PLS3: variants seen among roughly 807,000 people sequenced by gnomAD.
PLS3 encodes plastin 3, also known as plastin-3.
Under a neutral mutation model 46.5 loss-of-function variants are expected in PLS3, and 11 were observed. The ratio of observed to expected loss-of-function variants is 0.24; its 90% CI spans 0.15 to 0.39. The LOEUF (loss-of-function observed/expected upper bound fraction) is 0.39, where lower values mean the gene tolerates loss of function less well. Among genes scored for constraint, PLS3 ranks in the 10% least tolerant of loss-of-function variants. The probability of loss-of-function intolerance (pLI) is 1.00; values close to 1 mark genes in which losing one functional copy is unlikely to be tolerated. For missense variants in PLS3, 308 were observed against 461.8 expected (o/e 0.67, Z 3.05); for synonymous variants, 167 against 162.2 (o/e 1.03, Z -0.22).
At position 115,588,941 on chromosome X, in the gene PLS3, C is replaced by T. The variant is rs1006460842; in HGVS notation, c.-8-21302C>T. On this transcript the variant is annotated intron_variant, in intron 1 of 15. Transcript: ENST00000355899. ...TTTTAAAATTTTGATTACTTAGTTA[C>T]ACAAATAAAGAGCTAATAAATACTA... Among the ~76,000 whole-genome samples the T allele has an allele frequency of 4.5e-5, 5 of 111,525 alleles. No homozygotes were observed. In the Admixed American group the frequency reaches 4.8e-4, roughly 11 times the overall value.
At chrX:115,602,346 G>A (rs1389711225) in intron 1 of PLS3, among the ~76,000 whole-genome samples, 1 of 111,810 alleles carries the variant, frequency 8.9e-6, no homozygotes, top group Non-Finnish European at 1.9e-5. Context: ...AAGTGGGTGA[G>A]TGTGGTAGAC....
chrX:115,575,738 T>C (rs782361852), intron 1 of PLS3, among the ~76,000 whole-genome samples: 1 of 110,840 alleles, frequency 9.0e-6, no homozygotes, highest in Non-Finnish European at 1.9e-5. Context: ...CCACCGCGCC[T>C]GGCCTCTATC....
intron 7 of PLS3, among the ~76,000 whole-genome samples, chrX:115,635,867 G>C (rs1345249937): frequency 9.3e-6 from 1 of 107,200 alleles, no homozygotes; most frequent in Non-Finnish European, 1.9e-5. Flanking sequence ...GCATGTGCCT[G>C]TAGTCCCAGC....
Position 115,635,159 on chromosome X carries a change from C to T in PLS3, c.748+113C>T, listed in dbSNP as rs886133499. ...ATTAAATGGTGGTAACTAGAATGAA[C>T]ATAAGGTAATGCTATAGAGTTATTC... is the stretch of plus-strand genomic sequence containing the variant. On this transcript the variant is annotated intron_variant, in intron 7 of 15. Coordinates refer to ENST00000355899, the MANE Select transcript of PLS3 (RefSeq NM_005032.7). The T allele has an allele frequency of 1.5e-4, 93 of 609,019 alleles. No individual in the cohort carries two copies. In the South Asian group the frequency reaches 2.7e-3, roughly 17 times the overall value. The allele number at this position is 609,019 out of a possible 1,213,427, so 50.2% of individuals were successfully genotyped here. A position where few individuals can be genotyped will look rare whatever the true frequency, so the allele number is the denominator to read the frequency against.
At chrX:115,640,374 C>A in intron 8 of PLS3, 34 bp from the exon 9 acceptor site, 1 of 928,759 alleles carries the variant, frequency 1.1e-6, no homozygotes, top group Non-Finnish European at 1.6e-6. Flanking sequence ...TTCCTTGTAA[C>A]TGTGATCTCA....
rs1226484766 is a variant in PLS3, at chrX:115,634,096, C to T, written c.582+15C>T. 35 of 1,002,339 alleles carry T rather than the reference C, an allele frequency of 3.5e-5. No homozygotes were observed. Among genetic ancestry groups the T allele is most frequent in the Non-Finnish European group, 4.9e-5 (35 of 713,473 alleles). 82.6% of individuals were successfully genotyped at this position (1,002,339 alleles called of 1,213,427 possible). On this transcript the variant is annotated intron_variant, in intron 6 of 15. Transcript: ENST00000355899. ...TCATCATTCAGGTATGCATTGTTCT[C>T]CCCTCCCTTTAACATGAAATTACTG...
At chrX:115,573,732 A>T (rs2074231148) in intron 1 of PLS3, among the ~76,000 whole-genome samples, 1 of 111,243 alleles carries the variant, frequency 9.0e-6, no homozygotes, top group Non-Finnish European at 1.9e-5. Context: ...GAGATGGAGT[A>T]TCGCTCTGTT....
chrX:115,583,994 ATTCGT>A (rs782308189), intron 1 of PLS3, among the ~76,000 whole-genome samples: 52 of 111,480 alleles, frequency 4.7e-4, no homozygotes, highest in East Asian at 1.7e-3. Context: ...GAATTTAGAA[ATTCGT>A]TTCAATTACC....
At chrX:115,569,646 A>T (rs2074200456) in intron 1 of PLS3, among the ~76,000 whole-genome samples, 1 of 112,015 alleles carries the variant, frequency 8.9e-6, no homozygotes, top group Admixed American at 9.5e-5. Flanking sequence ...TTGTGTATTT[A>T]AATGGCTCAT....
At chrX:115,637,069 A>G in intron 8 of PLS3, 91 bp downstream of exon 8, 1 of 899,430 alleles carries the variant, frequency 1.1e-6, no homozygotes, top group Non-Finnish European at 1.6e-6. Flanking sequence ...CTAACACTGT[A>G]TCACCAAGCC....
At chrX:115,632,454 A>T (rs1159686935) in intron 5 of PLS3, among the ~76,000 whole-genome samples, 1 of 110,359 alleles carries the variant, frequency 9.1e-6, no homozygotes, top group East Asian at 2.9e-4. Flanking sequence ...CGAGAGTTAG[A>T]CCCTGTCTCT....
At chrX:115,597,792 C>T (rs2074403670) in intron 1 of PLS3, among the ~76,000 whole-genome samples, 1 of 111,504 alleles carries the variant, frequency 9.0e-6, no homozygotes, top group Non-Finnish European at 1.9e-5. Context: ...ACTATACAAT[C>T]TAATCAGTGT....
rs150018375 is a variant in PLS3 at position 115,622,247 on chromosome X, T to C, written c.75T>C (p.Asp25=). Residue 25 remains aspartate (D), a splice_region_variant and synonymous_variant, in exon 3 of 16, where the codon GAT becomes GAC. Coordinates refer to ENST00000355899, the MANE Select transcript of PLS3 (RefSeq NM_005032.7). ...TGCTTGCTCTCCTTTTTTACAAAGA[T>C]CTCAACAGCAACGGATTCATTTGTG... ...DELKEAFAKV[D]LNSNGFICDY... The C allele has an allele frequency of 1.0e-5, 12 of 1,193,446 alleles. No homozygotes were observed. The African/African-American group carries it at 1.2e-4, about 12-fold the overall frequency.
At chrX:115,586,397 G>A (rs1427463980) in intron 1 of PLS3, among the ~76,000 whole-genome samples, 1 of 105,700 alleles carries the variant, frequency 9.5e-6, no homozygotes, top group Non-Finnish European at 1.9e-5. Context: ...CAGGCCGGGC[G>A]CTGTGGCTCA....
chrX:115,592,165 A>C (rs1430589871), intron 1 of PLS3, among the ~76,000 whole-genome samples: 6 of 111,811 alleles, frequency 5.4e-5, no homozygotes, highest in African/African-American at 2.0e-4. Context: ...GTTGTGTATT[A>C]TTTATGAAGG....
intron 3 of PLS3, 45 bp downstream of exon 3, chrX:115,622,454 C>G (rs2074665884): frequency 1.2e-6 from 1 of 862,784 alleles, no homozygotes; most frequent in Non-Finnish European, 1.7e-6. Context: ...GTAGATGTTC[C>G]CTCGTCTAGT....
chrX:115,581,690 C>T (rs1603221655), intron 1 of PLS3, among the ~76,000 whole-genome samples: 3 of 112,066 alleles, frequency 2.7e-5, no homozygotes, highest in South Asian at 3.7e-4. Context: ...CAAAACAAAA[C>T]GTTCCGGTTA....
chrX:115,593,856 T>C (rs1216082959), intron 1 of PLS3, among the ~76,000 whole-genome samples: 2 of 111,700 alleles, frequency 1.8e-5, no homozygotes, highest in African/African-American at 6.5e-5. Context: ...GTTCTGTGTG[T>C]ATTCTGTATT....
At chrX:115,618,056 C>T (rs1394916002) in intron 2 of PLS3, among the ~76,000 whole-genome samples, 1 of 110,972 alleles carries the variant, frequency 9.0e-6, no homozygotes, top group African/African-American at 3.3e-5. Flanking sequence ...CCTCCCAAAG[C>T]GCTGGGATTA....
Sources: allele counts gnomAD v4.1 joint callset (sites outside exome capture counted in the v4.1 genomes callset), GRCh38; gene constraint gnomAD v4.1.1; transcripts MANE v1.5; gene names NCBI Gene and HGNC (gene_info 2026-07-23, HGNC 2026-07-21).